Variants in PARM1 observed in about 807,000 individuals in gnomAD.
PARM1 encodes the protein prostate androgen-regulated mucin-like protein 1, also known as WSC4, cell wall integrity and stress response component 4 homolog.
Under a neutral mutation model 24.6 loss-of-function variants are expected in PARM1, and 14 were observed. That is an observed-to-expected ratio of 0.57 (90% CI 0.38 to 0.89). PARM1 has a LOEUF of 0.89. Among genes scored for constraint, PARM1 ranks in the 40% least tolerant of loss-of-function variants. The probability of loss-of-function intolerance (pLI) is 0.00; values close to 1 mark genes in which losing one functional copy is unlikely to be tolerated. For synonymous variants in PARM1, 179 were observed against 156.6 expected (o/e 1.14, Z -1.07); for missense variants, 362 against 380.4 (o/e 0.95, Z 0.40).
intron 1 of PARM1, among the ~76,000 whole-genome samples, chr4:74,986,210 C>T (rs977303104): frequency 6.6e-6 from 1 of 151,790 alleles, no homozygotes; most frequent in African/African-American, 2.4e-5. Context: ...AAAATCTTTC[C>T]TGATTAAAAA....
At position 75,046,548 on chromosome 4, in the gene PARM1, G is replaced by T; in HGVS notation, c.*301G>T. ...TTCCCCACTGCAGGACCCACTTTGAGAAGGACCGAGGAGGAGGATTTGGGT... is the reference window on the plus strand; with the variant it reads ...TTCCCCACTGCAGGACCCACTTTGATAAGGACCGAGGAGGAGGATTTGGGT... On this transcript the variant is annotated 3_prime_UTR_variant, in exon 4 of 4. Transcript: ENST00000307428. 3.9e-6 allele frequency: 1 copy of T among 255,284 alleles called. No individual in the cohort carries two copies. The highest frequency in any genetic ancestry group is 7.5e-6 in the Non-Finnish European group (1 of 132,772). The allele number at this position is 255,284 out of a possible 1,614,324, so 15.8% of individuals were successfully genotyped here.
chr4:75,030,562 A>C (rs1345476039), intron 2 of PARM1, among the ~76,000 whole-genome samples: 1 of 152,200 alleles, frequency 6.6e-6, no homozygotes, highest in African/African-American at 2.4e-5. Flanking sequence ...ACAGGCCTTC[A>C]CCAGCCCTCT....
At chr4:74,990,749 G>C (rs1049609479) in intron 1 of PARM1, among the ~76,000 whole-genome samples, 7 of 152,116 alleles carry the variant, frequency 4.6e-5, no homozygotes, top group African/African-American at 1.7e-4. Context: ...TTGCCAGATG[G>C]CAAAATTTTT....
At chr4:74,971,026 A>T (rs1722022840) in intron 1 of PARM1, among the ~76,000 whole-genome samples, 1 of 152,248 alleles carries the variant, frequency 6.6e-6, no homozygotes, top group Admixed American at 6.5e-5. Context: ...AGGACTGAGA[A>T]GTGAGCATTT....
At chr4:75,044,955 C>T (rs1342551669) in intron 3 of PARM1, among the ~76,000 whole-genome samples, 2 of 152,140 alleles carry the variant, frequency 1.3e-5, no homozygotes, top group Non-Finnish European at 2.9e-5. Flanking sequence ...AAAGACCCGC[C>T]CCCATAATTT....
intron 2 of PARM1, among the ~76,000 whole-genome samples, chr4:75,027,127 C>T (rs1723197335): frequency 6.6e-6 from 1 of 152,168 alleles, no homozygotes; most frequent in South Asian, 2.1e-4. Flanking sequence ...CCATTCCACC[C>T]ACAGGCAGAA....
chr4:74,996,375 G>A (rs1722576691), intron 1 of PARM1, among the ~76,000 whole-genome samples: 1 of 152,200 alleles, frequency 6.6e-6, no homozygotes, highest in Non-Finnish European at 1.5e-5. Flanking sequence ...AATGAGGATT[G>A]AGTTTGACAG....
intron 1 of PARM1, among the ~76,000 whole-genome samples, chr4:74,977,923 A>T (rs1722169978): frequency 6.6e-6 from 1 of 152,210 alleles, no homozygotes; most frequent in African/African-American, 2.4e-5. Flanking sequence ...TGTTGAGGGA[A>T]TTAGTCACCA....
At chr4:74,945,646 T>G (rs2109982417) in intron 1 of PARM1, among the ~76,000 whole-genome samples, 1 of 152,304 alleles carries the variant, frequency 6.6e-6, no homozygotes, top group African/African-American at 2.4e-5. Context: ...TGATCAGTAT[T>G]TAATATACTT....
chr4:75,043,063 G>A (rs941313981), intron 3 of PARM1, among the ~76,000 whole-genome samples: 10 of 152,066 alleles, frequency 6.6e-5, no homozygotes, highest in Non-Finnish European at 1.3e-4. Flanking sequence ...AAATAGTCTT[G>A]CCTAAAATAA....
chr4:74,998,294 G>C (rs1722613217), intron 1 of PARM1, among the ~76,000 whole-genome samples: 1 of 152,186 alleles, frequency 6.6e-6, no homozygotes, highest in Admixed American at 6.5e-5. Flanking sequence ...ATTTTCAGCA[G>C]AGATGCAAAC....
At chr4:75,038,118 T>C (rs1434927149) in intron 3 of PARM1, among the ~76,000 whole-genome samples, 2 of 152,184 alleles carry the variant, frequency 1.3e-5, no homozygotes, top group African/African-American at 4.8e-5. Context: ...GGTTTCACCA[T>C]GTTGACCAGG....
chr4:74,986,285 A>C (rs1025901558), intron 1 of PARM1, among the ~76,000 whole-genome samples: 1 of 152,314 alleles, frequency 6.6e-6, no homozygotes, highest in Admixed American at 6.5e-5. Flanking sequence ...GCAGTACGAA[A>C]GGCAAAACAC....
At chr4:74,939,484 A>G (rs776647297) in intron 1 of PARM1, among the ~76,000 whole-genome samples, 3 of 152,100 alleles carry the variant, frequency 2.0e-5, no homozygotes, top group East Asian at 1.9e-4. Flanking sequence ...TGATCTTGCT[A>G]TAGGGGCTGG....
intron 1 of PARM1, among the ~76,000 whole-genome samples, chr4:75,010,534 T>A (rs1202471456): frequency 6.6e-6 from 1 of 152,072 alleles, no homozygotes; most frequent in African/African-American, 2.4e-5. Context: ...CAATAAAAAA[T>A]TAAAAAAAAT....
rs1677938317 is a variant in PARM1, at chr4:74,965,512, T to C, written c.43+32142T>C. ...TTATATGTGATGTAACTTTCTCCTC[T>C]TTTCCTTTCCCCACCTTCCCGTATG... is the stretch of plus-strand genomic sequence containing the variant. On this transcript the variant is annotated intron_variant, in intron 1 of 3. Coordinates refer to ENST00000307428, the MANE Select transcript of PARM1 (RefSeq NM_015393.4). 1.3e-5 allele frequency: 2 copies of C among 152,218 alleles called. 1 individual carries two copies. The highest frequency in any genetic ancestry group is 4.1e-4 in the South Asian group (2 of 4,830). The allele number at this position is 152,218 out of a possible 1,614,324, so 9.4% of individuals were successfully genotyped here. A position where few individuals can be genotyped will look rare whatever the true frequency, so the allele number is the denominator to read the frequency against.
intron 1 of PARM1, among the ~76,000 whole-genome samples, chr4:74,971,249 G>GA (rs1248358633): frequency 1.3e-5 from 2 of 152,196 alleles, no homozygotes; most frequent in African/African-American, 4.8e-5. Flanking sequence ...TGGTAAGCAA[G>GA]AGAGTGTGTA....
chr4:74,998,908 A>G (rs1722627112), intron 1 of PARM1, among the ~76,000 whole-genome samples: 3 of 152,236 alleles, frequency 2.0e-5, no homozygotes, highest in Non-Finnish European at 1.5e-5. Context: ...GTCTCTGGTG[A>G]TAAGTTAGGT....
chr4:75,022,760 C>CA (rs1054546687), intron 2 of PARM1, among the ~76,000 whole-genome samples: 2 of 152,094 alleles, frequency 1.3e-5, no homozygotes, highest in Admixed American at 1.3e-4. Flanking sequence ...TCTTCCAACT[C>CA]AAAAAAGCAT....
Sources: gnomAD v4.1 joint callset for allele counts (sites outside exome capture counted in the v4.1 genomes callset) on GRCh38, gnomAD v4.1.1 for gene constraint, MANE v1.5 for transcripts, NCBI Gene and HGNC (gene_info 2026-07-23, HGNC 2026-07-21) for gene names.